MAGI1: variants seen among roughly 807,000 people sequenced by gnomAD.
MAGI1 encodes the protein membrane associated guanylate kinase, WW and PDZ domain containing 1.
MAGI1 carries 58 observed loss-of-function variants against 139.9 expected under a neutral mutation model. The observed-to-expected ratio is 0.41, with a 90% CI of 0.34 to 0.52. The LOEUF is 0.52. Among genes scored for constraint, MAGI1 ranks in the 20% least tolerant of loss-of-function variants. MAGI1 has a pLI of 0.12. For synonymous variants in MAGI1, 812 were observed against 737.9 expected, an observed-to-expected ratio of 1.10 and a Z score of -1.63; for missense variants, 1,874 against 1,901.6, an observed-to-expected ratio of 0.99 and a Z score of 0.27.
At chr3:65,839,837 C>A (rs892865617) in intron 1 of MAGI1, among the ~76,000 whole-genome samples, 1 of 152,124 alleles carries the variant, frequency 6.6e-6, no homozygotes, top group Non-Finnish European at 1.5e-5. Context: ...ACATTACTTG[C>A]AAAACAAATA....
chr3:65,868,170 TAAC>T (rs2059795719), intron 1 of MAGI1, among the ~76,000 whole-genome samples: 1 of 152,134 alleles, frequency 6.6e-6, no homozygotes, highest in Non-Finnish European at 1.5e-5. Context: ...TTTAAGAAAC[TAAC>T]TGTTATCACA....
chr3:65,358,194 G>A (rs1559879183), intron 22 of MAGI1, among the ~76,000 whole-genome samples: 1 of 152,130 alleles, frequency 6.6e-6, no homozygotes, highest in African/African-American at 2.4e-5. Context: ...CAGTGCAAAT[G>A]TTTTAGGCAG....
At chr3:65,598,984 A>G (rs2106820221) in intron 2 of MAGI1, among the ~76,000 whole-genome samples, 1 of 152,346 alleles carries the variant, frequency 6.6e-6, no homozygotes, top group African/African-American at 2.4e-5. Flanking sequence ...ACTGTCAAAG[A>G]AAGGACGCTA....
chr3:65,975,201 A>T (rs1286179370), intron 1 of MAGI1, among the ~76,000 whole-genome samples: 1 of 152,182 alleles, frequency 6.6e-6, no homozygotes, highest in East Asian at 1.9e-4. Context: ...TCATGGCAAT[A>T]GTTCGTTTTC....
chr3:65,629,947 T>C (rs189234107), intron 1 of MAGI1, among the ~76,000 whole-genome samples: 57 of 152,282 alleles, frequency 3.7e-4, no homozygotes, highest in African/African-American at 1.3e-3. Flanking sequence ...ATGTTATATA[T>C]ATTTAACCAC....
At chr3:65,634,074 C>A (rs541743226) in intron 1 of MAGI1, among the ~76,000 whole-genome samples, 3 of 152,274 alleles carry the variant, frequency 2.0e-5, no homozygotes, top group Admixed American at 2.0e-4. Context: ...TCCTTACTCC[C>A]ACCCAATGAG....
At chr3:65,896,238 T>G (rs1162457368) in intron 1 of MAGI1, among the ~76,000 whole-genome samples, 1 of 151,590 alleles carries the variant, frequency 6.6e-6, no homozygotes, top group Non-Finnish European at 1.5e-5. Flanking sequence ...CAGTCAAAAC[T>G]GAAACCCACC....
chr3:65,819,409 T>C (rs1315708349), intron 1 of MAGI1, among the ~76,000 whole-genome samples: 4 of 152,180 alleles, frequency 2.6e-5, no homozygotes, highest in Admixed American at 1.3e-4. Flanking sequence ...TTATGCACTG[T>C]ACCCCTTCCC....
intron 1 of MAGI1, among the ~76,000 whole-genome samples, chr3:65,650,740 T>G (rs2085530117): frequency 6.6e-6 from 1 of 152,112 alleles, no homozygotes; most frequent in Non-Finnish European, 1.5e-5. Flanking sequence ...CTATTAGGAG[T>G]CCAGATTTTC....
At chr3:65,680,631 G>T (rs1217134854) in intron 1 of MAGI1, among the ~76,000 whole-genome samples, 1 of 152,066 alleles carries the variant, frequency 6.6e-6, no homozygotes, top group African/African-American at 2.4e-5. Context: ...ATGTTGTCCA[G>T]GCTGGTCTTG....
At chr3:65,449,064 C>T (rs907713440) in intron 6 of MAGI1, among the ~76,000 whole-genome samples, 1 of 134,780 alleles carries the variant, frequency 7.4e-6, no homozygotes, top group African/African-American at 2.8e-5. Context: ...ACCAATCAAT[C>T]AATGATTGAC....
intron 1 of MAGI1, among the ~76,000 whole-genome samples, chr3:65,741,494 T>C (rs2035267708): frequency 1.3e-5 from 2 of 152,328 alleles, no homozygotes; most frequent in East Asian, 3.9e-4. Context: ...TTTATTAAGC[T>C]ACAACATTTG....
intron 1 of MAGI1, among the ~76,000 whole-genome samples, chr3:65,766,127 TCA>T (rs773083254): frequency 6.6e-6 from 1 of 152,218 alleles, no homozygotes; most frequent in Non-Finnish European, 1.5e-5. Flanking sequence ...TAATTAAAAC[TCA>T]CAGATTTAGC....
chr3:65,441,054 A>G (rs11131022), intron 8 of MAGI1, among the ~76,000 whole-genome samples: 103,948 of 151,760 alleles, frequency 0.68, 36,169 homozygotes, highest in East Asian at 0.95. Flanking sequence ...TCTGCCTCCT[A>G]GGTTCAACCA....
intron 1 of MAGI1, among the ~76,000 whole-genome samples, chr3:65,651,835 AC>A (rs2085601490): frequency 6.6e-6 from 1 of 152,014 alleles, no homozygotes; most frequent in South Asian, 2.1e-4. Flanking sequence ...CCTTCTCCCC[AC>A]TCATCTCAAA....
intron 2 of MAGI1, chr3:65,598,011 G>A: frequency 2.3e-6 from 1 of 430,350 alleles, no homozygotes; most frequent in Non-Finnish European, 4.7e-6. Context: ...CGAGGGAAGA[G>A]GTGCTGGCAG....
intron 1 of MAGI1, among the ~76,000 whole-genome samples, chr3:65,645,526 T>C (rs1057035871): frequency 5.3e-5 from 8 of 152,034 alleles, no homozygotes; most frequent in Non-Finnish European, 8.8e-5. Flanking sequence ...AGTAAACCTA[T>C]CCTAAAAAGA....
chr3:65,922,144 CA>C (rs2062236291), intron 1 of MAGI1, among the ~76,000 whole-genome samples: 1 of 152,034 alleles, frequency 6.6e-6, no homozygotes, highest in African/African-American at 2.4e-5. Flanking sequence ...TTTACAGAAA[CA>C]GAGACTCTAA....
chr3:65,539,786 A>G (rs1025047227), intron 2 of MAGI1, among the ~76,000 whole-genome samples: 2 of 152,224 alleles, frequency 1.3e-5, no homozygotes, highest in African/African-American at 4.8e-5. Flanking sequence ...AATACAGTTT[A>G]CATACCAATG....
Sources: gnomAD v4.1 joint callset for allele counts (sites outside exome capture counted in the v4.1 genomes callset) on GRCh38, gnomAD v4.1.1 for gene constraint, MANE v1.5 for transcripts, NCBI Gene and HGNC (gene_info 2026-07-23, HGNC 2026-07-21) for gene names.